The following ABCA9 variants were observed in gnomAD, a reference collection of about 807,000 sequenced individuals.
The protein encoded by ABCA9 is ATP binding cassette subfamily A member 9, also known as ATP-binding cassette sub-family A member 9.
Under a neutral mutation model 205.3 loss-of-function variants are expected in ABCA9, and 183 were observed. The observed-to-expected ratio is 0.89, with a 90% CI of 0.79 to 1.01. The LOEUF is 1.01. Ranked by LOEUF, ABCA9 falls within the 50% of genes least tolerant of loss-of-function variation. ABCA9 has a pLI of 0.00. For missense variants in ABCA9, 1,805 were observed against 1,912.4 expected (o/e 0.94, Z 1.05); for synonymous variants, 651 against 683.3 (o/e 0.95, Z 0.74).
At chr17:69,012,407 G>A (rs2070413912) in intron 22 of ABCA9, 2 of 202,134 alleles carry the variant, frequency 9.9e-6, no homozygotes, top group South Asian at 3.2e-4. Context: ...TACATGCATT[G>A]CTTATATACA....
chr17:69,009,348 C>T (rs1567938179), intron 23 of ABCA9, among the ~76,000 whole-genome samples: 1 of 152,078 alleles, frequency 6.6e-6, no homozygotes, highest in South Asian at 2.1e-4. Context: ...TAGGATATAT[C>T]TGGGTGACCG....
chr17:69,019,863 A>G (rs574852803), intron 19 of ABCA9: 2 of 152,856 alleles, frequency 1.3e-5, no homozygotes, highest in Admixed American at 1.3e-4. Flanking sequence ...TCCAACTACA[A>G]CATTAACTCT....
chr17:69,032,509 TA>T (rs2144369897), intron 9 of ABCA9: 1 of 358,802 alleles, frequency 2.8e-6, no homozygotes, highest in East Asian at 4.5e-5. Context: ...GTTAACTAAC[TA>T]AAAAGCTCCT....
chr17:69,025,415 A>G (rs985715373), intron 16 of ABCA9, among the ~76,000 whole-genome samples: 1 of 152,190 alleles, frequency 6.6e-6, no homozygotes, highest in Non-Finnish European at 1.5e-5. Flanking sequence ...AGACTTGGAC[A>G]TGGTTAAATG....
Position 69,007,822 on chromosome 17 carries a change from C to A in ABCA9, c.3372G>T (p.Val1124=). ...YVSSLVFLTY[V]ISFIFRNGRK... Reference sequence around the variant, plus strand: ...TCCCATTGCGAAAAATGAATGAAATCACATATGTCAAGAAAACAAGAGATG... The same window carrying A: ...TCCCATTGCGAAAAATGAATGAAATAACATATGTCAAGAAAACAAGAGATG... The change falls in exon 25 of 39, where the codon GTG becomes GTT. Residue 1124 remains valine (V), a synonymous_variant. Coordinates refer to ENST00000340001, the MANE Select transcript of ABCA9 (RefSeq NM_080283.4). The A allele has an allele frequency of 6.2e-7, 1 of 1,611,684 alleles. No individual in the cohort carries two copies. The highest frequency in any genetic ancestry group is 8.5e-7 in the Non-Finnish European group (1 of 1,178,562).
At chr17:69,074,451 C>T in the ABCA9 span, among the ~76,000 whole-genome samples, 25 of 152,204 alleles carry the variant, frequency 1.6e-4, no homozygotes, top group Admixed American at 8.5e-4. Context: ...ATCTTTATGT[C>T]CATGAATACT....
At chr17:68,985,686 C>T (rs1318664693) in intron 32 of ABCA9, among the ~76,000 whole-genome samples, 2 of 151,726 alleles carry the variant, frequency 1.3e-5, no homozygotes, top group African/African-American at 2.4e-5. Flanking sequence ...CCTGTAATCC[C>T]AGGTGGCTCA....
chr17:69,035,699 C>T lies in ABCA9; in HGVS notation c.903G>A (p.Val301=). The change falls in exon 7 of 39, where the codon GTG becomes GTA. Residue 301 remains valine, a synonymous_variant. Transcript: ENST00000340001. ...AGAGGAGAAAGAGGGTGAAGACCAT[C>T]ACAAAACCAGTCAGGACGACAATTT... is the stretch of plus-strand genomic sequence containing the variant. ...SAQIVVLTGF[V]MVFTLFLLYG... is the part of the protein sequence containing the mutation. 1.2e-6 allele frequency: 2 copies of T among 1,613,604 alleles called. No individual in the cohort carries two copies. Among genetic ancestry groups the T allele is most frequent in the Non-Finnish European group, 1.7e-6 (2 of 1,179,800 alleles).
chr17:68,982,435 A>C (rs1290518762), intron 37 of ABCA9, 127 bp downstream of exon 37: 1 of 716,368 alleles, frequency 1.4e-6, no homozygotes, highest in Non-Finnish European at 2.4e-6. Flanking sequence ...CTGGATTAGC[A>C]GTCTTAGTAA....
chr17:69,014,981 C>T (rs1408962679), intron 22 of ABCA9, among the ~76,000 whole-genome samples: 1 of 152,074 alleles, frequency 6.6e-6, no homozygotes, highest in African/African-American at 2.4e-5. Context: ...GCTGTGGTGA[C>T]CACATACGTA....
intron 25 of ABCA9, among the ~76,000 whole-genome samples, chr17:69,005,514 G>A (rs1267433835): frequency 6.6e-6 from 1 of 152,130 alleles, no homozygotes; most frequent in East Asian, 1.9e-4. Context: ...TACCTTTTTA[G>A]AGCCAATTAT....
chr17:69,064,993 G>T (rs1389859982), upstream of ABCA9, among the ~76,000 whole-genome samples: 3 of 152,084 alleles, frequency 2.0e-5, no homozygotes, highest in Non-Finnish European at 4.4e-5. Flanking sequence ...TTTAAAAATA[G>T]CATGTTATTG....
intron 4 of ABCA9, 82 bp from the exon 5 acceptor site, chr17:69,044,682 A>G (rs1383798385): frequency 7.8e-7 from 1 of 1,275,838 alleles, no homozygotes; most frequent in Non-Finnish European, 1.1e-6. Flanking sequence ...ATGTTTCAAA[A>G]TGCAAAGTCC....
chr17:69,015,969 TTGTGTGTGTGTGTGTG>T (rs3046825), intron 22 of ABCA9, among the ~76,000 whole-genome samples: 3 of 148,050 alleles, frequency 2.0e-5, no homozygotes, highest in South Asian at 2.2e-4. Flanking sequence ...CAATTCTAAA[TTGTGTGTGTGTGTGTG>T]TGTGTGTGTG....
At chr17:69,011,932 TTCTCTA>T (rs768163548) in intron 23 of ABCA9, 38 bp downstream of exon 23, 2 of 1,407,638 alleles carry the variant, frequency 1.4e-6, no homozygotes, top group South Asian at 1.3e-5. Flanking sequence ...GTGGGAAGGG[TTCTCTA>T]GATATAAAAA....
chr17:69,013,582 A>G (rs1428202816), intron 22 of ABCA9, among the ~76,000 whole-genome samples: 1 of 152,082 alleles, frequency 6.6e-6, no homozygotes, highest in African/African-American at 2.4e-5. Context: ...CAGCTTCCTT[A>G]CTCATGACTG....
chr17:69,073,652 G>C, the ABCA9 span, among the ~76,000 whole-genome samples: 1 of 152,302 alleles, frequency 6.6e-6, no homozygotes, highest in African/African-American at 2.4e-5. Flanking sequence ...AAGCAGCAAA[G>C]ATCTAAAATT....
At chr17:68,996,137 A>G in intron 25 of ABCA9, 123 bp from the exon 26 acceptor site, 1 of 913,560 alleles carries the variant, frequency 1.1e-6, no homozygotes, top group Non-Finnish European at 1.6e-6. Context: ...CCAAACCAGT[A>G]TTTATATCAT....
chr17:69,020,618 C>T, intron 18 of ABCA9, 32 bp from the exon 19 acceptor site: 1 of 1,589,052 alleles, frequency 6.3e-7, no homozygotes, highest in Middle Eastern at 1.7e-4. Context: ...TTATAAAGTG[C>T]CATTTTAGTT....
Sources: gnomAD v4.1 joint callset for allele counts (sites outside exome capture counted in the v4.1 genomes callset) on GRCh38, gnomAD v4.1.1 for gene constraint, MANE v1.5 for transcripts, NCBI Gene and HGNC (gene_info 2026-07-23, HGNC 2026-07-21) for gene names.